MARK3: variants seen among roughly 807,000 people sequenced by gnomAD.
The protein encoded by MARK3 is microtubule affinity regulating kinase 3, also known as MAP/microtubule affinity-regulating kinase 3.
A neutral mutation model predicts 90.1 loss-of-function variants in MARK3; 46 were observed. The observed-to-expected ratio is 0.51, with a 90% CI of 0.40 to 0.65. MARK3 has a LOEUF of 0.65. Among genes scored for constraint, MARK3 ranks in the 30% least tolerant of loss-of-function variants. The pLI, the probability that MARK3 is intolerant of heterozygous loss-of-function variation, is 0.00. For synonymous variants in MARK3, 321 were observed against 332.6 expected (o/e 0.97, Z 0.38); for missense variants, 818 against 947.2 (o/e 0.86, Z 1.79).
intron 15 of MARK3, among the ~76,000 whole-genome samples, chr14:103,493,816 A>G (rs972238078): frequency 1.4e-5 from 2 of 145,572 alleles, no homozygotes. Flanking sequence ...CAGAGGTTGC[A>G]GTGAGCCGAG....
At chr14:103,396,303 A>G (rs1018777718) in intron 1 of MARK3, among the ~76,000 whole-genome samples, 3 of 152,180 alleles carry the variant, frequency 2.0e-5, no homozygotes, top group Admixed American at 6.5e-5. Flanking sequence ...GGATTTTCCA[A>G]TATCTCCATA....
intron 1 of MARK3, among the ~76,000 whole-genome samples, chr14:103,391,866 C>T (rs2090275442): frequency 2.0e-5 from 3 of 151,948 alleles, no homozygotes; most frequent in Admixed American, 1.3e-4. Context: ...TCAAAATATG[C>T]TTTTTAAAGG....
intron 3 of MARK3, among the ~76,000 whole-genome samples, chr14:103,434,317 C>G (rs932836298): frequency 1.3e-5 from 2 of 152,176 alleles, no homozygotes; most frequent in African/African-American, 4.8e-5. Context: ...ATGAACTGCA[C>G]AGATTCCTCC....
At chr14:103,398,398 C>T (rs2090724255) in intron 1 of MARK3, among the ~76,000 whole-genome samples, 1 of 152,188 alleles carries the variant, frequency 6.6e-6, no homozygotes. Flanking sequence ...GTGGTTTTAA[C>T]TTGTATTTCT....
intron 12 of MARK3, among the ~76,000 whole-genome samples, chr14:103,470,472 T>TTTTTTTTTTTTTTTA (rs1595836589): frequency 7.3e-6 from 1 of 137,232 alleles, no homozygotes; most frequent in Non-Finnish European, 1.6e-5. Flanking sequence ...TTTTTTTTTT[T>TTTTTTTTTTTTTTTA]GAGATGGAGT....
chr14:103,499,908 G>A (rs1039368655), intron 16 of MARK3: 1 of 526,302 alleles, frequency 1.9e-6, no homozygotes, highest in Non-Finnish European at 3.5e-6. Flanking sequence ...GGCATGCAAT[G>A]TGTGTGATGT....
intron 1 of MARK3, among the ~76,000 whole-genome samples, chr14:103,388,331 G>C (rs995577438): frequency 6.6e-6 from 1 of 152,162 alleles, no homozygotes; most frequent in African/African-American, 2.4e-5. Context: ...TTTAACTCTT[G>C]CATTGGCATG....
chr14:103,397,605 G>A (rs969888095), intron 1 of MARK3, among the ~76,000 whole-genome samples: 1 of 152,114 alleles, frequency 6.6e-6, no homozygotes, highest in Admixed American at 6.6e-5. Flanking sequence ...GATTACAGGC[G>A]TGAGCTACCG....
Position 103,434,983 on chromosome 14 carries a change from C to G in MARK3, c.297+6543C>G, listed in dbSNP as rs542236253. The stretch of plus-strand genomic sequence containing the variant: ...TTAAAGCTAGTATTTGCTTTGGAGC[C>G]ACTGTTAGTGCTTAGAGCTCTGTAG... On this transcript the variant is annotated intron_variant, in intron 3 of 17. Coordinates refer to ENST00000429436, the MANE Select transcript of MARK3 (RefSeq NM_001128918.3). Among the ~76,000 whole-genome samples, 10 of 152,292 alleles carry G rather than the reference C, an allele frequency of 6.6e-5. No individual in the cohort carries two copies. In the South Asian group the frequency reaches 2.1e-3, roughly 32 times the overall value.
chr14:103,437,092 A>C (rs76011469), intron 3 of MARK3, among the ~76,000 whole-genome samples: 3 of 133,642 alleles, frequency 2.2e-5, no homozygotes, highest in African/African-American at 9.6e-5. Flanking sequence ...AAACTCTGCC[A>C]AAAAAAAAAA....
intron 5 of MARK3, among the ~76,000 whole-genome samples, chr14:103,456,766 A>G (rs898653674): frequency 6.6e-6 from 1 of 152,238 alleles, no homozygotes; most frequent in African/African-American, 2.4e-5. Context: ...GAATGAATAT[A>G]CTCAGGAAAT....
intron 15 of MARK3, among the ~76,000 whole-genome samples, chr14:103,494,236 CAAAAA>C (rs71126032): frequency 4.4e-4 from 35 of 79,870 alleles, no homozygotes; most frequent in Admixed American, 1.2e-3. Flanking sequence ...GACTCCATCT[CAAAAA>C]AAAAAAAAAA....
intron 2 of MARK3, among the ~76,000 whole-genome samples, chr14:103,427,992 C>G (rs1166333451): frequency 6.6e-6 from 1 of 152,170 alleles, no homozygotes; most frequent in East Asian, 1.9e-4. Flanking sequence ...TTTTACCCAG[C>G]CCCTTTTCAA....
intron 8 of MARK3, 34 bp downstream of exon 8, chr14:103,465,827 C>T (rs2093491242): frequency 6.3e-7 from 1 of 1,574,866 alleles, no homozygotes; most frequent in African/African-American, 1.4e-5. Context: ...CTTCACTAAA[C>T]TAAAAGAAGT....
At chr14:103,402,062 C>G (rs895371250) in intron 1 of MARK3, among the ~76,000 whole-genome samples, 1 of 152,098 alleles carries the variant, frequency 6.6e-6, no homozygotes, top group African/African-American at 2.4e-5. Context: ...GTTTAACATT[C>G]AGCAAAAATG....
rs1343364677 is a variant in MARK3 at position 103,468,040 on chromosome 14, C to G, written c.1118C>G (p.Ala373Gly). ...LLGRKSSELD[A>G]SDSSSSSNLS... is the part of the protein sequence containing the mutation. ...TTTCTCATTTTCTCTTAGCTGGATG[C>G]TAGTGATTCCAGTTCTAGCAGCAAT... The change falls in exon 12 of 18, where the codon GCT (alanine) becomes GGT (glycine). Residue 373 changes from alanine to glycine, a missense_variant. By Grantham distance (60) the Ala-to-Gly change is moderately conservative. This residue lies in a region of MARK3 where 560 missense variants were observed against 613.5 expected (regional missense o/e 0.91). Transcript: ENST00000429436. 6.2e-7 allele frequency: 1 copy of G among 1,612,838 alleles called. No homozygotes were observed. The highest frequency in any genetic ancestry group is 8.5e-7 in the Non-Finnish European group (1 of 1,179,620).
intron 15 of MARK3, among the ~76,000 whole-genome samples, chr14:103,498,287 T>TA (rs2075456188): frequency 6.6e-6 from 1 of 152,162 alleles, no homozygotes; most frequent in South Asian, 2.1e-4. Context: ...AACCTTTTCT[T>TA]ACTTTTTTTT....
At chr14:103,422,621 C>T (rs2092263227) in intron 2 of MARK3, among the ~76,000 whole-genome samples, 1 of 152,166 alleles carries the variant, frequency 6.6e-6, no homozygotes. Flanking sequence ...CTTCAAATCC[C>T]TTCACTACCC....
chr14:103,392,765 G>C (rs2090337697), intron 1 of MARK3, among the ~76,000 whole-genome samples: 1 of 151,862 alleles, frequency 6.6e-6, no homozygotes, highest in Admixed American at 6.6e-5. Context: ...ACTTTGTAGA[G>C]TATCTCATTT....
Sources: allele counts gnomAD v4.1 joint callset (sites outside exome capture counted in the v4.1 genomes callset), GRCh38; gene constraint gnomAD v4.1.1; regional missense constraint gnomAD v4.1.1; transcripts MANE v1.5; gene names NCBI Gene and HGNC (gene_info 2026-07-23, HGNC 2026-07-21).